Variants in SPECC1L observed in about 807,000 individuals in gnomAD.
SPECC1L encodes the protein cytospin-A.
A neutral mutation model predicts 116.8 loss-of-function variants in SPECC1L; 40 were observed. The observed-to-expected ratio is 0.34, with a 90% CI of 0.27 to 0.45. The LOEUF (loss-of-function observed/expected upper bound fraction) is 0.45. SPECC1L is among the 20% of genes least tolerant of loss of function. The probability of loss-of-function intolerance (pLI) is 1.00; values close to 1 mark genes in which losing one functional copy is unlikely to be tolerated. For synonymous variants in SPECC1L, 504 were observed against 500.6 expected (o/e 1.01, Z -0.09); for missense variants, 1,110 against 1,373.6 (o/e 0.81, Z 3.03).
chr22:24,321,778 G>C lies in SPECC1L; in HGVS notation c.798G>C (p.Met266Ile). 1 of 1,614,226 alleles carries C rather than the reference G, an allele frequency of 6.2e-7. No homozygotes were observed. Among genetic ancestry groups the C allele is most frequent in the Non-Finnish European group, 8.5e-7 (1 of 1,180,042 alleles). ...ELNQLKNENR[M>I]LKDRLNALGF... ...ACCAGCTGAAAAATGAAAACAGAAT[G>C]TTAAAGGACAGGTTGAATGCATTGG... Residue 266 changes from methionine to isoleucine, a missense_variant, in exon 5 of 17, where the codon ATG becomes ATC. By Grantham distance (10) the Met-to-Ile change is conservative (BLOSUM62 1). Transcript: ENST00000314328.
chr22:24,292,294 G>A (rs1372119947), intron 2 of SPECC1L, among the ~76,000 whole-genome samples: 1 of 152,146 alleles, frequency 6.6e-6, no homozygotes, highest in East Asian at 1.9e-4. Flanking sequence ...TGTTTTTCAT[G>A]GGTGGATGGT....
intron 2 of SPECC1L, among the ~76,000 whole-genome samples, chr22:24,294,241 T>C (rs1014113302): frequency 7.9e-6 from 1 of 126,078 alleles, no homozygotes; most frequent in Non-Finnish European, 1.6e-5. Flanking sequence ...TCTGCTTCCA[T>C]TGTATCCTGT....
At chr22:24,324,539 C>G (rs2040781146) in intron 6 of SPECC1L, 112 bp downstream of exon 6, 1 of 1,000,372 alleles carries the variant, frequency 1.0e-6, no homozygotes, top group African/African-American at 1.6e-5. Context: ...GCCTGTAATT[C>G]CAGCACTTTG....
At chr22:24,331,673 G>T (rs548369843) in intron 8 of SPECC1L, among the ~76,000 whole-genome samples, 1 of 152,236 alleles carries the variant, frequency 6.6e-6, no homozygotes, top group South Asian at 2.1e-4. Flanking sequence ...ACTCTGTGAG[G>T]TCATACTGTC....
intron 1 of SPECC1L, among the ~76,000 whole-genome samples, chr22:24,276,027 T>TC (rs1019964755): frequency 6.6e-6 from 1 of 152,132 alleles, no homozygotes; most frequent in Non-Finnish European, 1.5e-5. Flanking sequence ...CTTTTTTTTT[T>TC]CAATGCTGAG....
intron 6 of SPECC1L, among the ~76,000 whole-genome samples, chr22:24,327,924 G>A (rs1045131931): frequency 6.6e-6 from 1 of 152,198 alleles, no homozygotes; most frequent in Non-Finnish European, 1.5e-5. Context: ...ATCTACTGGG[G>A]TGGGGCTGTA....
rs367724253 is a variant in SPECC1L, at chr22:24,317,205, G to A, written c.307+3739G>A. On this transcript the variant is annotated intron_variant, in intron 4 of 16. Transcript: ENST00000314328. Reference sequence around the variant, plus strand: ...AGGGGCTCCTCACTTCCCAGTAGGGGCGGCCGGGCAGAGGCGCCCCTCACC... The same window carrying A: ...AGGGGCTCCTCACTTCCCAGTAGGGACGGCCGGGCAGAGGCGCCCCTCACC... Among the ~76,000 whole-genome samples, 35 of 105,188 alleles carry A rather than the reference G, an allele frequency of 3.3e-4. 2 individuals are homozygous for A. In the East Asian group the frequency reaches 9.3e-3, roughly 28 times the overall value. The allele number at this position is 105,188 out of a possible 152,430, so 69.0% of individuals were successfully genotyped here.
At chr22:24,336,646 AT>A (rs2041064731) in intron 9 of SPECC1L, among the ~76,000 whole-genome samples, 1 of 152,200 alleles carries the variant, frequency 6.6e-6, no homozygotes, top group South Asian at 2.1e-4. Context: ...TTAAATTAAA[AT>A]TATACACCTA....
At chr22:24,283,309 AC>A (rs2048981081) in intron 2 of SPECC1L, among the ~76,000 whole-genome samples, 1 of 147,418 alleles carries the variant, frequency 6.8e-6, no homozygotes, top group Admixed American at 6.7e-5. Flanking sequence ...CGATCTCCTG[AC>A]CTGGTGATCC....
intron 8 of SPECC1L, 66 bp downstream of exon 8, chr22:24,330,497 A>T: frequency 6.5e-7 from 1 of 1,535,942 alleles, no homozygotes; most frequent in South Asian, 1.1e-5. Context: ...CCAATTTTTG[A>T]TGTGGTGCTA....
chr22:24,280,602 C>T (rs5751834), intron 2 of SPECC1L, among the ~76,000 whole-genome samples: 3,427 of 129,818 alleles, frequency 0.026, 126 homozygotes, highest in South Asian at 0.12. Flanking sequence ...TTTTTTGAGA[C>T]AGTGTCACTC....
At chr22:24,361,895 AAG>A (rs1331740771) in intron 11 of SPECC1L, among the ~76,000 whole-genome samples, 1 of 152,140 alleles carries the variant, frequency 6.6e-6, no homozygotes, top group Non-Finnish European at 1.5e-5. Flanking sequence ...AAGAAGAAAA[AAG>A]AAGAGAAAAG....
intron 6 of SPECC1L, among the ~76,000 whole-genome samples, chr22:24,327,084 C>T (rs559074260): frequency 6.6e-6 from 1 of 151,854 alleles, no homozygotes; most frequent in South Asian, 2.1e-4. Context: ...TCAAGACCAG[C>T]CTGGCCAACA....
At chr22:24,292,921 A>G (rs1031280459) in intron 2 of SPECC1L, among the ~76,000 whole-genome samples, 6 of 152,362 alleles carry the variant, frequency 3.9e-5, no homozygotes, top group Admixed American at 3.3e-4. Flanking sequence ...TTTACCAAAT[A>G]AAAATTTTAA....
At chr22:24,316,776 T>C (rs1351770956) in intron 4 of SPECC1L, among the ~76,000 whole-genome samples, 2 of 149,330 alleles carry the variant, frequency 1.3e-5, no homozygotes, top group Admixed American at 1.3e-4. Flanking sequence ...CATGGCCCAT[T>C]CTCAATGAGC....
At chr22:24,344,093 C>CT (rs1335788133) in intron 10 of SPECC1L, among the ~76,000 whole-genome samples, 3 of 152,116 alleles carry the variant, frequency 2.0e-5, no homozygotes, top group Non-Finnish European at 2.9e-5. Context: ...AGTAAAAGGA[C>CT]TTTCCAGTTC....
intron 14 of SPECC1L, among the ~76,000 whole-genome samples, chr22:24,390,244 C>T (rs2042239001): frequency 6.6e-6 from 1 of 152,030 alleles, no homozygotes; most frequent in African/African-American, 2.4e-5. Context: ...CTAGCGTCCT[C>T]TCTCCATGAT....
At chr22:24,401,330 G>T (rs1028144751) in intron 14 of SPECC1L, among the ~76,000 whole-genome samples, 1 of 152,288 alleles carries the variant, frequency 6.6e-6, no homozygotes, top group Non-Finnish European at 1.5e-5. Context: ...GTTGTCCGTG[G>T]TGTAAACTGG....
intron 10 of SPECC1L, 84 bp downstream of exon 10, chr22:24,338,561 ATTAG>A: frequency 8.2e-7 from 1 of 1,214,708 alleles, no homozygotes. Flanking sequence ...TTACACCTGT[ATTAG>A]TTGGGTAAAT....
Sources: allele counts gnomAD v4.1 joint callset (sites outside exome capture counted in the v4.1 genomes callset), GRCh38; gene constraint gnomAD v4.1.1; transcripts MANE v1.5; gene names NCBI Gene and HGNC (gene_info 2026-07-23, HGNC 2026-07-21).